TRAPPC9: variants seen among roughly 807,000 people sequenced by gnomAD.
The protein encoded by TRAPPC9 is IKK2 binding protein.
Under a neutral mutation model 124.0 loss-of-function variants are expected in TRAPPC9, and 83 were observed. The observed-to-expected ratio is 0.67, with a 90% confidence interval of 0.56 to 0.80. The LOEUF is 0.80. Ranked by LOEUF, TRAPPC9 falls within the 30% of genes least tolerant of loss-of-function variation. The pLI is 0.00. For synonymous variants in TRAPPC9, 638 were observed against 617.5 expected, an observed-to-expected ratio of 1.03 and a Z score of -0.49; for missense variants, 1,302 against 1,508.3, an observed-to-expected ratio of 0.86 and a Z score of 2.27.
At chr8:139,775,559 T>A (rs1821295463) in intron 21 of TRAPPC9, among the ~76,000 whole-genome samples, 1 of 152,140 alleles carries the variant, frequency 6.6e-6, no homozygotes, top group African/African-American at 2.4e-5. Context: ...GGGAAGGGTG[T>A]GGGCTAACTG....
At position 139,728,724 on chromosome 8, in the gene TRAPPC9, C is replaced by T. The variant is rs1817670872; in HGVS notation, c.*2337G>A. On this transcript the variant is annotated 3_prime_UTR_variant, in exon 23 of 23. Transcript: ENST00000438773. ...GGGAAGGGCCTGGGGCTGGCAGAGCCAGGCTGTATTTGGGTCATTTTCCAG... is the reference window on the plus strand; with the variant it reads ...GGGAAGGGCCTGGGGCTGGCAGAGCTAGGCTGTATTTGGGTCATTTTCCAG... 6.6e-6 allele frequency among the ~76,000 whole-genome samples: 1 copy of T among 152,180 alleles called. No homozygotes were observed. Among genetic ancestry groups the T allele is most frequent in the Non-Finnish European group, 1.5e-5 (1 of 68,036 alleles).
chr8:139,785,005 A>T (rs1040206480), intron 21 of TRAPPC9, among the ~76,000 whole-genome samples: 1 of 152,206 alleles, frequency 6.6e-6, no homozygotes, highest in Non-Finnish European at 1.5e-5. Context: ...AATGGCCAAA[A>T]TATTACCTGA....
At chr8:140,237,589 G>A (rs1206220155) in intron 16 of TRAPPC9, among the ~76,000 whole-genome samples, 1 of 151,960 alleles carries the variant, frequency 6.6e-6, no homozygotes, top group Non-Finnish European at 1.5e-5. Flanking sequence ...GAGAACCACT[G>A]GTCTATTCTT....
At chr8:140,298,770 G>C (rs2065883831) in intron 11 of TRAPPC9, among the ~76,000 whole-genome samples, 1 of 152,218 alleles carries the variant, frequency 6.6e-6, no homozygotes, top group Admixed American at 6.5e-5. Context: ...TCTCCTGTGA[G>C]TTCTTGGACA....
chr8:139,812,394 G>A (rs1296519240), intron 21 of TRAPPC9, among the ~76,000 whole-genome samples: 2 of 152,140 alleles, frequency 1.3e-5, no homozygotes, highest in Non-Finnish European at 2.9e-5. Flanking sequence ...GCCCACAGAC[G>A]ATGTCTAACA....
At chr8:140,343,999 C>A (rs1015848610) in intron 9 of TRAPPC9, among the ~76,000 whole-genome samples, 1 of 152,116 alleles carries the variant, frequency 6.6e-6, no homozygotes, top group Non-Finnish European at 1.5e-5. Context: ...AATCCTCACA[C>A]ACACCCTGTT....
intron 21 of TRAPPC9, among the ~76,000 whole-genome samples, chr8:139,807,298 C>G (rs892574100): frequency 6.6e-6 from 1 of 152,132 alleles, no homozygotes; most frequent in African/African-American, 2.4e-5. Context: ...GATCAGAGAC[C>G]CAACCCCAGA....
intron 16 of TRAPPC9, among the ~76,000 whole-genome samples, chr8:140,236,079 CTTT>C (rs765201850): frequency 9.0e-5 from 10 of 111,706 alleles, no homozygotes; most frequent in Admixed American, 4.8e-4. Flanking sequence ...ACTGTATTTC[CTTT>C]TTTTTTTTTT....
intron 9 of TRAPPC9, among the ~76,000 whole-genome samples, chr8:140,350,939 T>C (rs2067549221): frequency 6.6e-6 from 1 of 151,354 alleles, no homozygotes; most frequent in African/African-American, 2.4e-5. Context: ...AATGAAGCAA[T>C]GGGAGGCTGG....
chr8:140,288,565 T>C (rs2065556557), intron 12 of TRAPPC9, among the ~76,000 whole-genome samples: 1 of 152,136 alleles, frequency 6.6e-6, no homozygotes, highest in South Asian at 2.1e-4. Context: ...GAGGTCCTAC[T>C]CAGGGCACTA....
At chr8:139,949,153 C>A (rs980756470) in intron 19 of TRAPPC9, among the ~76,000 whole-genome samples, 1 of 151,498 alleles carries the variant, frequency 6.6e-6, no homozygotes, top group East Asian at 1.9e-4. Context: ...AGAAAAAAAA[C>A]CAAAGACACA....
At chr8:139,786,134 G>A (rs900504722) in intron 21 of TRAPPC9, among the ~76,000 whole-genome samples, 4 of 151,962 alleles carry the variant, frequency 2.6e-5, no homozygotes, top group African/African-American at 9.7e-5. Flanking sequence ...CTTGAACCTG[G>A]GAGGCAGAGG....
At chr8:140,301,992 C>T (rs2065992370) in intron 10 of TRAPPC9, among the ~76,000 whole-genome samples, 1 of 152,202 alleles carries the variant, frequency 6.6e-6, no homozygotes, top group South Asian at 2.1e-4. Flanking sequence ...CAGTAAATCA[C>T]GAAGATTTCA....
intron 18 of TRAPPC9, among the ~76,000 whole-genome samples, chr8:139,997,023 A>T (rs2131762218): frequency 6.6e-6 from 1 of 152,334 alleles, no homozygotes; most frequent in South Asian, 2.1e-4. Context: ...CTGGGATTAC[A>T]GGCGTGAGCC....
intron 17 of TRAPPC9, 74 bp downstream of exon 17, chr8:140,221,383 CAG>C: frequency 6.3e-7 from 1 of 1,598,520 alleles, no homozygotes; most frequent in Non-Finnish European, 8.6e-7. Flanking sequence ...GAAAAGGACT[CAG>C]AGCTGTGCTT....
At chr8:139,746,098 C>T (rs557220028) in intron 21 of TRAPPC9, among the ~76,000 whole-genome samples, 5 of 152,350 alleles carry the variant, frequency 3.3e-5, no homozygotes, top group African/African-American at 1.2e-4. Context: ...ATCCACAGTG[C>T]CCCTTGCCCT....
intron 21 of TRAPPC9, among the ~76,000 whole-genome samples, chr8:139,870,541 G>A (rs751933995): frequency 5.3e-5 from 8 of 152,158 alleles, no homozygotes; most frequent in Non-Finnish European, 1.2e-4. Context: ...AAGGTACAGA[G>A]TAAATAAAGG....
At chr8:140,289,088 A>C (rs1273175627) in intron 12 of TRAPPC9, among the ~76,000 whole-genome samples, 1 of 152,204 alleles carries the variant, frequency 6.6e-6, no homozygotes, top group Admixed American at 6.5e-5. Flanking sequence ...TGAACAGGGC[A>C]GATGCTACAT....
chr8:139,964,291 T>C (rs1036823418), intron 19 of TRAPPC9, among the ~76,000 whole-genome samples: 3 of 148,766 alleles, frequency 2.0e-5, no homozygotes, highest in South Asian at 4.3e-4. Flanking sequence ...AGGGCAGAGA[T>C]GATGTCTGGG....
Sources: gnomAD v4.1 joint callset for allele counts (sites outside exome capture counted in the v4.1 genomes callset) on GRCh38, gnomAD v4.1.1 for gene constraint, MANE v1.5 for transcripts, NCBI Gene and HGNC (gene_info 2026-07-23, HGNC 2026-07-21) for gene names.